The following LIN28B variants were observed in gnomAD, a reference collection of about 807,000 sequenced individuals.
LIN28B encodes lin-28 RNA binding posttranscriptional regulator B.
Under a neutral mutation model 21.9 loss-of-function variants are expected in LIN28B, and 5 were observed. The ratio of observed to expected loss-of-function variants is 0.23; its 90% CI spans 0.12 to 0.48. The LOEUF is 0.48. LIN28B is among the 20% of genes least tolerant of loss of function. The pLI, the probability that LIN28B is intolerant of heterozygous loss-of-function variation, is 0.98. For missense variants in LIN28B, 245 were observed against 310.5 expected (o/e 0.79, Z 1.58); for synonymous variants, 109 against 111.3 (o/e 0.98, Z 0.13).
chr6:104,987,093 T>C (rs1770362939), intron 2 of LIN28B, among the ~76,000 whole-genome samples: 1 of 152,220 alleles, frequency 6.6e-6, no homozygotes, highest in Admixed American at 6.5e-5. Flanking sequence ...GACAAATCCA[T>C]GAACATGTTT....
At position 105,023,224 on chromosome 6, in the gene LIN28B, T is replaced by TA. The variant is rs1582901323; in HGVS notation, c.199-3073dup. ...AGTTTCTTATGGATATATATATATA[T>TA]ATAATATATATTATATTATATATTA... is the stretch of plus-strand genomic sequence containing the variant. On this transcript the variant is annotated intron_variant, in intron 2 of 3. Coordinates refer to ENST00000345080, the MANE Select transcript of LIN28B (RefSeq NM_001004317.4). Among the ~76,000 whole-genome samples the TA allele has an allele frequency of 3.0e-5, 3 of 98,894 alleles. No homozygotes were observed. The East Asian group carries it at 7.3e-4, about 24-fold the overall frequency. The allele number at this position is 98,894 out of a possible 152,430, so 64.9% of individuals were successfully genotyped here. A position where few individuals can be genotyped will look rare whatever the true frequency, so the allele number is the denominator to read the frequency against.
chr6:105,059,234 C>G (rs909632552), intron 3 of LIN28B, among the ~76,000 whole-genome samples: 35 of 149,982 alleles, frequency 2.3e-4, no homozygotes, highest in African/African-American at 8.6e-4. Flanking sequence ...TTTTTTTAAA[C>G]TAGGGAGAAG....
chr6:104,938,119 C>CT (rs2114534411), intron 2 of LIN28B, among the ~76,000 whole-genome samples: 1 of 149,014 alleles, frequency 6.7e-6, no homozygotes, highest in African/African-American at 2.5e-5. Flanking sequence ...AAATTAGGCG[C>CT]TTGTAGTCCC....
At chr6:105,001,401 A>G (rs1770717554) in intron 2 of LIN28B, among the ~76,000 whole-genome samples, 2 of 152,222 alleles carry the variant, frequency 1.3e-5, no homozygotes, top group African/African-American at 4.8e-5. Flanking sequence ...TGGACCATCT[A>G]TCTACATATT....
At chr6:105,070,622 A>ACACACACACACACACACACAC (rs1772314041) in intron 3 of LIN28B, among the ~76,000 whole-genome samples, 1 of 150,734 alleles carries the variant, frequency 6.6e-6, no homozygotes, top group South Asian at 2.1e-4. Context: ...ACACACACAC[A>ACACACACACACACACACACAC]CACACACACA....
At chr6:105,045,950 C>G (rs1771750940) in intron 3 of LIN28B, among the ~76,000 whole-genome samples, 1 of 152,050 alleles carries the variant, frequency 6.6e-6, no homozygotes, top group South Asian at 2.1e-4. Context: ...GTATGGTTTT[C>G]TATTTTTTCA....
chr6:104,959,960 G>T (rs1432093705), intron 2 of LIN28B, among the ~76,000 whole-genome samples: 1 of 151,952 alleles, frequency 6.6e-6, no homozygotes, highest in Admixed American at 6.6e-5. Flanking sequence ...ATTAACCAAT[G>T]TTAATGTTTA....
intron 2 of LIN28B, among the ~76,000 whole-genome samples, chr6:104,970,567 A>C (rs1438092261): frequency 2.0e-5 from 3 of 152,202 alleles, no homozygotes; most frequent in Non-Finnish European, 2.9e-5. Flanking sequence ...ACTACTAAAT[A>C]GATTTTTAAA....
chr6:105,048,283 G>T (rs1771814710), intron 3 of LIN28B, among the ~76,000 whole-genome samples: 1 of 152,130 alleles, frequency 6.6e-6, no homozygotes, highest in African/African-American at 2.4e-5. Context: ...TAATCATGTG[G>T]TTTTTGTCTT....
intron 3 of LIN28B, among the ~76,000 whole-genome samples, chr6:105,030,333 A>G (rs1771393595): frequency 6.6e-6 from 1 of 152,194 alleles, no homozygotes; most frequent in Non-Finnish European, 1.5e-5. Context: ...TTTGCTCCCC[A>G]AATGTTTAAA....
At position 105,023,288 on chromosome 6, in the gene LIN28B, AATATATATATTTATATATAATTATATT is replaced by A. The variant is rs1261974945; in HGVS notation, c.199-3002_199-2976del. 4.7e-4 allele frequency among the ~76,000 whole-genome samples: 16 copies of A among 34,380 alleles called. 2 individuals carry two copies. The highest frequency in any genetic ancestry group is 1.6e-3 in the African/African-American group (15 of 9,464). The allele number at this position is 34,380 out of a possible 152,430, so 22.6% of individuals were successfully genotyped here. A position where few individuals can be genotyped will look rare whatever the true frequency, so the allele number is the denominator to read the frequency against. ...ATTATTTATTATTATATATATAAAT[AATATATATATTTATATATAATTATATT>A]ATATATAATATATATAATTATATTA... On this transcript the variant is annotated intron_variant, in intron 2 of 3. Transcript: ENST00000345080.
At chr6:104,965,742 AT>A (rs1764852871) in intron 2 of LIN28B, among the ~76,000 whole-genome samples, 3 of 152,128 alleles carry the variant, frequency 2.0e-5, no homozygotes, top group Admixed American at 2.0e-4. Flanking sequence ...TATTTTTGTT[AT>A]GCAGATATTT....
intron 2 of LIN28B, among the ~76,000 whole-genome samples, chr6:104,988,276 G>T (rs1304996603): frequency 6.6e-6 from 1 of 152,078 alleles, no homozygotes; most frequent in Non-Finnish European, 1.5e-5. Flanking sequence ...TTTATCAAAT[G>T]CCTTTTCTGC....
intron 2 of LIN28B, among the ~76,000 whole-genome samples, chr6:105,002,573 A>G (rs1770740423): frequency 6.6e-6 from 1 of 152,228 alleles, no homozygotes; most frequent in African/African-American, 2.4e-5. Flanking sequence ...AGCGTGCAGT[A>G]GTCACATGAC....
At chr6:104,999,880 A>G (rs1770685385) in intron 2 of LIN28B, among the ~76,000 whole-genome samples, 1 of 152,068 alleles carries the variant, frequency 6.6e-6, no homozygotes, top group Non-Finnish European at 1.5e-5. Flanking sequence ...GGGTTTCTCC[A>G]TGTTGGTCAA....
chr6:104,997,076 T>G (rs1039499580), intron 2 of LIN28B, among the ~76,000 whole-genome samples: 8 of 151,888 alleles, frequency 5.3e-5, no homozygotes, highest in Admixed American at 2.6e-4. Context: ...GGTCAGGAGA[T>G]CGAGACCATC....
At chr6:104,955,358 A>C (rs533205165), upstream of LIN28B, among the ~76,000 whole-genome samples, 1 of 152,276 alleles carries the variant, frequency 6.6e-6, no homozygotes, top group South Asian at 2.1e-4. Context: ...TTCCTCCCAA[A>C]ATAAATAAAA....
upstream of LIN28B, among the ~76,000 whole-genome samples, chr6:104,955,489 A>AT (rs772315452): frequency 7.4e-4 from 112 of 152,274 alleles, no homozygotes; most frequent in East Asian, 4.8e-3. Context: ...AATAACTTCT[A>AT]TTTTTTATAC....
chr6:105,026,572 C>G (rs1197316829), intron 3 of LIN28B, 90 bp downstream of exon 3: 7 of 834,854 alleles, frequency 8.4e-6, no homozygotes, highest in East Asian at 2.5e-5. Context: ...TTCATATTGT[C>G]TAGCCAAAGG....
Sources: allele counts gnomAD v4.1 joint callset (sites outside exome capture counted in the v4.1 genomes callset), GRCh38; gene constraint gnomAD v4.1.1; transcripts MANE v1.5; gene names NCBI Gene and HGNC (gene_info 2026-07-23, HGNC 2026-07-21).